The following SAMD8 variants were observed in gnomAD, a reference collection of about 807,000 sequenced individuals.
SAMD8 encodes the protein sphingomyelin synthase-related protein 1.
In SAMD8, 20 loss-of-function variants were observed where a neutral mutation model predicts 42.0. The ratio of observed to expected loss-of-function variants is 0.48; its 90% CI spans 0.34 to 0.69. SAMD8 has a LOEUF of 0.69. Among genes scored for constraint, SAMD8 ranks in the 30% least tolerant of loss-of-function variants. The pLI is 0.01. For missense variants in SAMD8, 328 were observed against 511.6 expected, an observed-to-expected ratio of 0.64 and a Z score of 3.46; for synonymous variants, 162 against 173.0, an observed-to-expected ratio of 0.94 and a Z score of 0.50.
chr10:75,113,848 T>C (rs4745765), intron 1 of SAMD8, among the ~76,000 whole-genome samples: 12,815 of 152,250 alleles, frequency 0.084, 745 homozygotes, highest in African/African-American at 0.16. Flanking sequence ...TCATACTTAG[T>C]TGTGAATAAA....
At chr10:75,108,029 C>T (rs780521225), upstream of SAMD8, 77 of 1,613,448 alleles carry the variant, frequency 4.8e-5, no homozygotes, top group Admixed American at 3.5e-4. Context: ...TGAAGTCAGC[C>T]GCAGAGGAGA....
At chr10:75,163,502 C>T (rs902514631) in intron 2 of SAMD8, among the ~76,000 whole-genome samples, 14 of 152,034 alleles carry the variant, frequency 9.2e-5, no homozygotes, top group African/African-American at 2.9e-4. Context: ...GATGAAACCT[C>T]GGCTCACTGC....
At chr10:75,175,918 C>T in intron 4 of SAMD8, 148 bp from the exon 5 acceptor site, 1 of 1,459,640 alleles carries the variant, frequency 6.9e-7, no homozygotes, top group Non-Finnish European at 9.0e-7. Flanking sequence ...TGAAGTCTGG[C>T]TGGAATTCAT....
chr10:75,108,296 C>G (rs767836238), upstream of SAMD8: 957 of 1,498,086 alleles, frequency 6.4e-4, 6 homozygotes, highest in African/African-American at 0.011. Context: ...GCAGAGGGAC[C>G]GAGCCATTAG....
At chr10:75,166,636 C>T (rs1010624003) in intron 3 of SAMD8, among the ~76,000 whole-genome samples, 3 of 152,158 alleles carry the variant, frequency 2.0e-5, no homozygotes, top group African/African-American at 7.2e-5. Flanking sequence ...TATTCTCTCC[C>T]ATTTTGTCCT....
At chr10:75,114,046 C>G (rs954257781) in intron 1 of SAMD8, among the ~76,000 whole-genome samples, 1 of 152,130 alleles carries the variant, frequency 6.6e-6, no homozygotes, top group African/African-American at 2.4e-5. Context: ...TAAAGAAAAT[C>G]AGTTTTTGGC....
intron 1 of SAMD8, among the ~76,000 whole-genome samples, chr10:75,101,336 G>T (rs1038818538): frequency 1.3e-5 from 2 of 152,108 alleles, no homozygotes; most frequent in East Asian, 3.9e-4. Context: ...CCAATAAATG[G>T]CACGTCTTAC....
intron 1 of SAMD8, among the ~76,000 whole-genome samples, chr10:75,139,172 T>C (rs188156270): frequency 6.6e-6 from 1 of 152,044 alleles, no homozygotes; most frequent in East Asian, 1.9e-4. Context: ...TTTCACAACA[T>C]TGGCCAGGCT....
chr10:75,164,481 TGAC>T, intron 2 of SAMD8, 161 bp from the exon 3 acceptor site: 1 of 982,824 alleles, frequency 1.0e-6, no homozygotes, highest in Non-Finnish European at 1.2e-6. Context: ...GGGTACTTTA[TGAC>T]ACAGATTTTT....
At chr10:75,119,471 T>C (rs1294575589) in intron 1 of SAMD8, among the ~76,000 whole-genome samples, 3 of 152,216 alleles carry the variant, frequency 2.0e-5, no homozygotes, top group Admixed American at 6.5e-5. Context: ...ATAGCACATA[T>C]TGTATTTATG....
intron 2 of SAMD8, among the ~76,000 whole-genome samples, chr10:75,162,082 G>A (rs1211956369): frequency 6.6e-6 from 1 of 152,158 alleles, no homozygotes; most frequent in East Asian, 1.9e-4. Flanking sequence ...GGATTGGCCA[G>A]CCACCATGGT....
intron 3 of SAMD8, 144 bp downstream of exon 3, chr10:75,164,884 T>C: frequency 1.5e-6 from 1 of 656,774 alleles, no homozygotes; most frequent in African/African-American, 1.8e-5. Context: ...GATTTTGAGT[T>C]TGATCAGTAA....
chr10:75,163,091 A>AT (rs1369923617), intron 2 of SAMD8, among the ~76,000 whole-genome samples: 1 of 151,684 alleles, frequency 6.6e-6, no homozygotes, highest in Non-Finnish European at 1.5e-5. Context: ...TGCCCGGCTA[A>AT]TTTTTTTGTA....
At chr10:75,108,652 C>T (rs920390362), upstream of SAMD8, among the ~76,000 whole-genome samples, 2 of 152,072 alleles carry the variant, frequency 1.3e-5, no homozygotes, top group African/African-American at 2.4e-5. Flanking sequence ...CCGTCTGTAT[C>T]CAGAGGAGGG....
chr10:75,176,395 A>C lies in SAMD8; in HGVS notation c.951A>C (p.Pro317=). Residue 317 remains proline (P), a synonymous_variant, in exon 6 of 6, where the codon CCA becomes CCC. Coordinates refer to ENST00000542569, the MANE Select transcript of SAMD8 (RefSeq NM_001174156.2). This position sits in a 1 kb window ranked among gnomAD's most constrained non-coding sequence, Gnocchi z 4.3. ...TTTCTGTCCTTTTCCTAGATACACC[A>C]AGAAGCTGGAATTTCTTGCACACTT... ...MLNFFVTEYT[P]RSWNFLHTLS... 6.5e-7 allele frequency: 1 copy of C among 1,548,394 alleles called. No individual in the cohort carries two copies. The highest frequency in any genetic ancestry group is 8.7e-7 in the Non-Finnish European group (1 of 1,147,084).
At chr10:75,109,236 G>T, upstream of SAMD8, 2 of 1,442,050 alleles carry the variant, frequency 1.4e-6, no homozygotes, top group South Asian at 1.4e-5. Flanking sequence ...CCCAGAGATT[G>T]ACAGGGACAG....
chr10:75,108,994 C>A, upstream of SAMD8: 1 of 1,589,284 alleles, frequency 6.3e-7, no homozygotes, highest in Non-Finnish European at 8.6e-7. Context: ...TGCCCCTTGG[C>A]CAGCTACCAC....
intron 4 of SAMD8, chr10:75,175,801 A>G (rs766045361): frequency 2.2e-5 from 17 of 787,932 alleles, no homozygotes; most frequent in Non-Finnish European, 2.6e-5. Context: ...CACCCACCTC[A>G]GCCTCCCAAA....
At chr10:75,154,080 GT>G (rs1240999134) in intron 2 of SAMD8, among the ~76,000 whole-genome samples, 2 of 152,126 alleles carry the variant, frequency 1.3e-5, no homozygotes, top group African/African-American at 4.8e-5. Context: ...GTAGTAAAGA[GT>G]TTTTTGTTTT....
Sources: gnomAD v4.1 joint callset for allele counts (sites outside exome capture counted in the v4.1 genomes callset) on GRCh38, gnomAD v4.1.1 for gene constraint, Gnocchi (gnomAD v3.1) non-coding constraint, MANE v1.5 for transcripts, NCBI Gene and HGNC (gene_info 2026-07-23, HGNC 2026-07-21) for gene names.